Variants in ARHGAP40 observed in about 807,000 individuals in gnomAD.
ARHGAP40 encodes the protein rho GTPase-activating protein 40.
Under a neutral mutation model 73.5 loss-of-function variants are expected in ARHGAP40, and 43 were observed. That is an observed-to-expected ratio of 0.58 (90% CI 0.46 to 0.75). The LOEUF is 0.75. ARHGAP40 is among the 30% of genes least tolerant of loss of function. The pLI is 0.00. For synonymous variants in ARHGAP40, 300 were observed against 352.8 expected, an observed-to-expected ratio of 0.85 and a Z score of 1.68; for missense variants, 734 against 861.8, an observed-to-expected ratio of 0.85 and a Z score of 1.86.
chr20:38,648,045 C>A (rs935191300), intron 13 of ARHGAP40, among the ~76,000 whole-genome samples: 1 of 152,200 alleles, frequency 6.6e-6, no homozygotes, highest in Non-Finnish European at 1.5e-5. Context: ...TCAAGAGCTT[C>A]CTTGTTGGCA....
At chr20:38,644,914 C>T (rs184498353) in intron 11 of ARHGAP40, among the ~76,000 whole-genome samples, 2 of 151,870 alleles carry the variant, frequency 1.3e-5, no homozygotes, top group African/African-American at 4.9e-5. Context: ...CATCCATCCA[C>T]CCACAGTCCT....
At chr20:38,619,241 G>C (rs942884119) in intron 1 of ARHGAP40, among the ~76,000 whole-genome samples, 6 of 152,098 alleles carry the variant, frequency 3.9e-5, no homozygotes, top group Non-Finnish European at 8.8e-5. Flanking sequence ...TTATCCTCAG[G>C]GTCCTGGGAT....
intron 13 of ARHGAP40, among the ~76,000 whole-genome samples, chr20:38,647,820 C>T (rs1036244485): frequency 6.6e-6 from 1 of 152,228 alleles, no homozygotes; most frequent in Non-Finnish European, 1.5e-5. Context: ...GATCAAGTTA[C>T]AAACTGTATT....
At chr20:38,624,934 T>G (rs1018014203) in intron 2 of ARHGAP40, among the ~76,000 whole-genome samples, 1 of 152,234 alleles carries the variant, frequency 6.6e-6, no homozygotes, top group African/African-American at 2.4e-5. Flanking sequence ...TCATCGGCCC[T>G]TTTCACTGCT....
chr20:38,603,451 A>G (rs932432), intron 1 of ARHGAP40, among the ~76,000 whole-genome samples: 20,730 of 149,988 alleles, frequency 0.14, 1,758 homozygotes, highest in East Asian at 0.27. Flanking sequence ...CTATCTATCT[A>G]TCTATCTATC....
chr20:38,633,100 G>A (rs1484858100), intron 5 of ARHGAP40, among the ~76,000 whole-genome samples: 1 of 151,240 alleles, frequency 6.6e-6, no homozygotes, highest in Non-Finnish European at 1.5e-5. Context: ...TCCAGCCTGT[G>A]TGGCAGAGTG....
intron 6 of ARHGAP40, among the ~76,000 whole-genome samples, chr20:38,636,437 A>AT (rs1240777362): frequency 1.3e-5 from 2 of 151,430 alleles, no homozygotes; most frequent in Non-Finnish European, 2.9e-5. Flanking sequence ...TAATTTTTGT[A>AT]TTTTTTGTAG....
intron 7 of ARHGAP40, 95 bp from the exon 8 acceptor site, chr20:38,638,666 C>T (rs2044521507): frequency 1.1e-6 from 1 of 905,930 alleles, no homozygotes; most frequent in African/African-American, 1.7e-5. Flanking sequence ...TCCTGGTACT[C>T]CCCTCTTTCT....
chr20:38,602,327 T>C (rs1365518657), intron 1 of ARHGAP40, among the ~76,000 whole-genome samples: 2 of 150,764 alleles, frequency 1.3e-5, no homozygotes, highest in Non-Finnish European at 2.9e-5. Flanking sequence ...GCTACTGGCC[T>C]CCTGCAGGGG....
intron 13 of ARHGAP40, among the ~76,000 whole-genome samples, chr20:38,648,394 G>A (rs150262867): frequency 6.6e-6 from 1 of 152,304 alleles, no homozygotes; most frequent in East Asian, 1.9e-4. Flanking sequence ...AAGGGGCCTC[G>A]CAGCGGGGTG....
At chr20:38,644,300 C>T (rs1175151713) in intron 11 of ARHGAP40, among the ~76,000 whole-genome samples, 1 of 152,104 alleles carries the variant, frequency 6.6e-6, no homozygotes, top group Non-Finnish European at 1.5e-5. Context: ...CCCTGCCCTC[C>T]TGCCCCCACC....
intron 13 of ARHGAP40, among the ~76,000 whole-genome samples, chr20:38,647,374 CTGTTGGTT>C (rs1368121894): frequency 0.022 from 2,131 of 96,852 alleles, 51 homozygotes; most frequent in African/African-American, 0.089. Context: ...CCATGTTTTT[CTGTTGGTT>C]TGTTTGTTTG....
intron 8 of ARHGAP40, 74 bp from the exon 9 acceptor site, chr20:38,639,153 C>T: frequency 7.9e-7 from 1 of 1,273,294 alleles, no homozygotes; most frequent in Non-Finnish European, 1.0e-6. Context: ...GGAAACCAAG[C>T]CCCAGAGAAG....
At chr20:38,644,610 C>G (rs989704422) in intron 11 of ARHGAP40, among the ~76,000 whole-genome samples, 6 of 145,584 alleles carry the variant, frequency 4.1e-5, no homozygotes, top group Non-Finnish European at 7.5e-5. Flanking sequence ...TATGCAACTG[C>G]CCGTCACCCA....
At chr20:38,649,915 C>A in exon 15 of ARHGAP40, 1 of 1,137,712 alleles carries the variant, frequency 8.8e-7, no homozygotes, top group South Asian at 1.3e-5. Flanking sequence ...TGTCCATGTA[C>A]CCAGCATGAG....
In ARHGAP40 at chr20:38,639,358, G is replaced by A. The variant is rs943700794; in HGVS notation, c.1251G>A (p.Glu417=). 4 of 1,305,438 alleles carry A rather than the reference G, an allele frequency of 3.1e-6. No individual in the cohort carries two copies. In the African/African-American group the frequency reaches 6.1e-5, roughly 20 times the overall value. 80.9% of individuals were successfully genotyped at this position (1,305,438 alleles called of 1,614,324 possible). ...TGCCGACACCTTTGCTCACGGCTGAGTACCTCCCGGCCTTCGCCGTGGTGC... is the reference window on the plus strand; with the variant it reads ...TGCCGACACCTTTGCTCACGGCTGAATACCTCCCGGCCTTCGCCGTGGTGC... The change falls in exon 9 of 15, where the codon GAG becomes GAA. Residue 417 remains glutamate (E), a synonymous_variant. Transcript: ENST00000373345.
intron 1 of ARHGAP40, chr20:38,615,470 C>T (rs1053399806): frequency 3.5e-5 from 24 of 687,596 alleles, no homozygotes; most frequent in Non-Finnish European, 5.7e-5. Flanking sequence ...ACCTCGGCCA[C>T]GTCCATGGCG....
At chr20:38,604,803 T>C (rs2088761417) in intron 1 of ARHGAP40, among the ~76,000 whole-genome samples, 1 of 152,220 alleles carries the variant, frequency 6.6e-6, no homozygotes, top group South Asian at 2.1e-4. Flanking sequence ...TCCACTCAGG[T>C]ATCCCAAATG....
intron 1 of ARHGAP40, among the ~76,000 whole-genome samples, chr20:38,604,126 C>T (rs891666837): frequency 2.0e-5 from 3 of 152,152 alleles, no homozygotes; most frequent in Admixed American, 6.6e-5. Context: ...ATGCGTCGTC[C>T]GTCCATCCAT....
Sources: allele counts gnomAD v4.1 joint callset (sites outside exome capture counted in the v4.1 genomes callset), GRCh38; gene constraint gnomAD v4.1.1; transcripts MANE v1.5; gene names NCBI Gene and HGNC (gene_info 2026-07-23, HGNC 2026-07-21).